Variants in AADACL4 observed in about 807,000 individuals in gnomAD.
AADACL4 encodes the protein arylacetamide deacetylase-like 4.
Under a neutral mutation model 14.1 loss-of-function variants are expected in AADACL4, and 9 were observed. The observed-to-expected ratio is 0.64, with a 90% CI of 0.39 to 1.12. The LOEUF is 1.12. Among genes scored for constraint, AADACL4 ranks in the 50% most tolerant of loss-of-function variants. AADACL4 has a pLI of 0.01. For missense variants in AADACL4, 531 were observed against 516.1 expected, an observed-to-expected ratio of 1.03 and a Z score of -0.28; for synonymous variants, 188 against 201.6, an observed-to-expected ratio of 0.93 and a Z score of 0.57.
rs201662529 is a variant in AADACL4, at chr1:12,666,423, C to A, written c.912C>A (p.Pro304=). Residue 304 remains proline, a synonymous_variant, in exon 4 of 4, where the codon CCC becomes CCA. Coordinates refer to ENST00000376221, the MANE Select transcript of AADACL4 (RefSeq NM_001013630.2). ...FKNRGYQPWS[P]GPFNEAAYLE... ...ACAGAGGCTACCAACCCTGGTCTCCCGGCCCTTTTAATGAAGCTGCCTATC... is the reference window on the plus strand; with the variant it reads ...ACAGAGGCTACCAACCCTGGTCTCCAGGCCCTTTTAATGAAGCTGCCTATC... 2 of 1,614,156 alleles carry A rather than the reference C, an allele frequency of 1.2e-6. No individual in the cohort carries two copies. The highest frequency in any genetic ancestry group is 1.7e-6 in the Non-Finnish European group (2 of 1,180,032).
chr1:12,657,429 A>G (rs1647183930), intron 2 of AADACL4, among the ~76,000 whole-genome samples: 1 of 152,168 alleles, frequency 6.6e-6, no homozygotes. Context: ...CACAAAGATG[A>G]TACTGCTGGT....
chr1:12,651,678 C>T (rs1647149106), intron 2 of AADACL4, among the ~76,000 whole-genome samples: 1 of 151,948 alleles, frequency 6.6e-6, no homozygotes, highest in South Asian at 2.1e-4. Flanking sequence ...GATCCCAAAC[C>T]CATGTATTTC....
chr1:12,663,026 A>G (rs946851904), intron 3 of AADACL4, among the ~76,000 whole-genome samples: 21 of 152,212 alleles, frequency 1.4e-4, no homozygotes, highest in Non-Finnish European at 5.9e-5. Context: ...TGCACGGGCC[A>G]GGGCAGTTTT....
chr1:12,655,187 A>C (rs1647173902), intron 2 of AADACL4, among the ~76,000 whole-genome samples: 1 of 152,182 alleles, frequency 6.6e-6, no homozygotes, highest in African/African-American at 2.4e-5. Context: ...CCTGCAGTTC[A>C]GGGGTAAAGT....
chr1:12,652,821 A>C (rs968694966), intron 2 of AADACL4, among the ~76,000 whole-genome samples: 2 of 152,202 alleles, frequency 1.3e-5, no homozygotes, highest in African/African-American at 4.8e-5. Context: ...TCCTAGGAGA[A>C]GCCCAGGTCC....
intron 2 of AADACL4, among the ~76,000 whole-genome samples, chr1:12,657,766 C>A (rs555490011): frequency 6.6e-6 from 1 of 152,206 alleles, no homozygotes; most frequent in East Asian, 1.9e-4. Context: ...CCCAGAACTG[C>A]CATGGTACTA....
In AADACL4 at chr1:12,651,292, G is replaced by A. The variant is rs1257201912; in HGVS notation, c.338G>A (p.Arg113Gln). The change falls in exon 2 of 4, where the codon CGA (arginine) becomes CAA (glutamine). Residue 113 changes from arginine (R) to glutamine (Q), a missense_variant. Transcript: ENST00000376221. Reference sequence around the variant, plus strand: ...AAGGCAGCATCCTCCAGACCCCGGCGAGGCATCATCTTCTACCATGGAGGG... The same window carrying A: ...AAGGCAGCATCCTCCAGACCCCGGCAAGGCATCATCTTCTACCATGGAGGG... The part of the protein sequence containing the change: ...QPKAASSRPR[R>Q]GIIFYHGGAT... The A allele has an allele frequency of 3.7e-6, 6 of 1,614,098 alleles. No individual in the cohort carries two copies. The highest frequency in any genetic ancestry group is 1.7e-5 in the Admixed American group (1 of 60,006).
At chr1:12,656,489 T>C (rs1298539266) in intron 2 of AADACL4, among the ~76,000 whole-genome samples, 2 of 152,256 alleles carry the variant, frequency 1.3e-5, no homozygotes, top group African/African-American at 4.8e-5. Context: ...GGAGTAGAGA[T>C]GATTCAGTAT....
intron 2 of AADACL4, among the ~76,000 whole-genome samples, chr1:12,660,732 C>T (rs1248815889): frequency 3.3e-5 from 5 of 152,108 alleles, no homozygotes; most frequent in African/African-American, 1.2e-4. Flanking sequence ...CAACCTCCGC[C>T]TCCCGGGTTC....
At chr1:12,645,834 G>A (rs2100755598) in intron 1 of AADACL4, among the ~76,000 whole-genome samples, 1 of 152,342 alleles carries the variant, frequency 6.6e-6, no homozygotes, top group South Asian at 2.1e-4. Context: ...GTGAGCCACT[G>A]CACCTAGCTT....
intron 2 of AADACL4, among the ~76,000 whole-genome samples, chr1:12,656,920 T>G (rs1205843714): frequency 6.6e-6 from 1 of 152,040 alleles, no homozygotes; most frequent in Non-Finnish European, 1.5e-5. Flanking sequence ...GCAGGTGGAC[T>G]GCTCGAGCTC....
At chr1:12,659,103 T>C (rs1647206945) in intron 2 of AADACL4, among the ~76,000 whole-genome samples, 1 of 152,162 alleles carries the variant, frequency 6.6e-6, no homozygotes, top group Non-Finnish European at 1.5e-5. Flanking sequence ...AATTTGCCCA[T>C]AGGAAAAGGC....
intron 2 of AADACL4, among the ~76,000 whole-genome samples, chr1:12,658,391 T>C (rs905967190): frequency 6.6e-6 from 1 of 151,912 alleles, no homozygotes; most frequent in African/African-American, 2.4e-5. Flanking sequence ...CCCAAGCAGC[T>C]GAGATTACAG....
At chr1:12,663,051 T>C (rs1175229171) in intron 3 of AADACL4, among the ~76,000 whole-genome samples, 1 of 152,176 alleles carries the variant, frequency 6.6e-6, no homozygotes, top group Non-Finnish European at 1.5e-5. Flanking sequence ...GAGTGGCTCA[T>C]GGAGCTGCAT....
At chr1:12,646,694 C>A (rs988926095) in intron 1 of AADACL4, among the ~76,000 whole-genome samples, 4 of 152,168 alleles carry the variant, frequency 2.6e-5, no homozygotes, top group Non-Finnish European at 5.9e-5. Context: ...AAAAGTAGCC[C>A]ACAAGCTAAA....
At chr1:12,665,285 C>A (rs753772508) in intron 3 of AADACL4, among the ~76,000 whole-genome samples, 1 of 152,216 alleles carries the variant, frequency 6.6e-6, no homozygotes, top group East Asian at 1.9e-4. Flanking sequence ...TGCAGTGGCT[C>A]GATCTAGGCT....
chr1:12,651,010 AG>A (rs1647141860), intron 1 of AADACL4, 112 bp from the exon 2 acceptor site: 2 of 1,025,250 alleles, frequency 2.0e-6, no homozygotes, highest in Non-Finnish European at 2.9e-6. Context: ...CTGTACCTAC[AG>A]GAGGCAGGTG....
At chr1:12,653,393 G>T (rs1647161058) in intron 2 of AADACL4, among the ~76,000 whole-genome samples, 1 of 152,232 alleles carries the variant, frequency 6.6e-6, no homozygotes, top group Non-Finnish European at 1.5e-5. Context: ...ACCCAGGAAA[G>T]GTAGGACTCA....
chr1:12,658,115 C>CTTT (rs1570431453), intron 2 of AADACL4, among the ~76,000 whole-genome samples: 2 of 69,922 alleles, frequency 2.9e-5, no homozygotes, highest in South Asian at 7.7e-4. Flanking sequence ...TTCTTTCCTT[C>CTTT]CTTCCTTCCT....
Sources: gnomAD v4.1 joint callset for allele counts (sites outside exome capture counted in the v4.1 genomes callset) on GRCh38, gnomAD v4.1.1 for gene constraint, MANE v1.5 for transcripts, NCBI Gene and HGNC (gene_info 2026-07-23, HGNC 2026-07-21) for gene names.